DACH1: variants seen among roughly 807,000 people sequenced by gnomAD.
The protein encoded by DACH1 is dachshund homolog 1.
A neutral mutation model predicts 54.2 loss-of-function variants in DACH1; 12 were observed. The observed-to-expected ratio is 0.22, with a 90% CI of 0.14 to 0.36. The LOEUF is 0.36. Ranked by LOEUF, DACH1 falls within the 10% of genes least tolerant of loss-of-function variation. The probability of loss-of-function intolerance (pLI) is 1.00; values close to 1 mark genes in which losing one functional copy is unlikely to be tolerated. For synonymous variants in DACH1, 386 were observed against 366.2 expected (o/e 1.05, Z -0.62); for missense variants, 805 against 929.8 (o/e 0.87, Z 1.75).
At chr13:71,624,047 T>C (rs1485729250) in intron 3 of DACH1, among the ~76,000 whole-genome samples, 1 of 151,944 alleles carries the variant, frequency 6.6e-6, no homozygotes, top group Admixed American at 6.6e-5. Flanking sequence ...TAATTCTCTA[T>C]CTTGTTTAAA....
At chr13:71,472,184 C>T (rs1373804238) in intron 10 of DACH1, among the ~76,000 whole-genome samples, 1 of 152,150 alleles carries the variant, frequency 6.6e-6, no homozygotes, top group Non-Finnish European at 1.5e-5. Flanking sequence ...TTTTACAATT[C>T]ATGAATTCCT....
intron 3 of DACH1, among the ~76,000 whole-genome samples, chr13:71,610,708 C>G (rs532862665): frequency 3.3e-5 from 5 of 152,212 alleles, no homozygotes; most frequent in Non-Finnish European, 7.4e-5. Flanking sequence ...TTTGACATCT[C>G]TTTAAGCTTG....
chr13:71,726,977 T>C (rs1482936175), intron 1 of DACH1, among the ~76,000 whole-genome samples: 2 of 152,064 alleles, frequency 1.3e-5, no homozygotes. Context: ...GACCAATCAA[T>C]TGATCTGCTG....
At chr13:71,801,112 C>G (rs890861593) in intron 1 of DACH1, among the ~76,000 whole-genome samples, 1 of 152,160 alleles carries the variant, frequency 6.6e-6, no homozygotes, top group Non-Finnish European at 1.5e-5. Context: ...ACTCTTTTCC[C>G]TTGAAGTCCT....
intron 3 of DACH1, among the ~76,000 whole-genome samples, chr13:71,613,950 A>T (rs1170072225): frequency 6.6e-6 from 1 of 152,054 alleles, no homozygotes; most frequent in African/African-American, 2.4e-5. Flanking sequence ...GCTTCCAAAA[A>T]GTACCGGGAT....
At chr13:71,865,104 C>A (rs1330467564) in intron 1 of DACH1, among the ~76,000 whole-genome samples, 1 of 152,254 alleles carries the variant, frequency 6.6e-6, no homozygotes, top group Non-Finnish European at 1.5e-5. Context: ...CTCCCCCTAC[C>A]GAAGAAAACC....
intron 1 of DACH1, among the ~76,000 whole-genome samples, chr13:71,743,502 A>G (rs1258504639): frequency 3.3e-5 from 5 of 152,198 alleles, no homozygotes; most frequent in African/African-American, 1.2e-4. Flanking sequence ...CTACAACTCT[A>G]TGAGGTAGAT....
intron 6 of DACH1, among the ~76,000 whole-genome samples, chr13:71,521,280 T>A (rs887029946): frequency 6.6e-6 from 1 of 152,012 alleles, no homozygotes; most frequent in Non-Finnish European, 1.5e-5. Context: ...TACTATACCT[T>A]TTGAAAGCAA....
chr13:71,463,685 A>G (rs1052374124), intron 10 of DACH1, among the ~76,000 whole-genome samples: 1 of 152,016 alleles, frequency 6.6e-6, no homozygotes, highest in African/African-American at 2.4e-5. Flanking sequence ...AATGCCTGTA[A>G]AAAAGTTGTG....
At chr13:71,746,019 A>T (rs971963897) in intron 1 of DACH1, among the ~76,000 whole-genome samples, 1 of 152,190 alleles carries the variant, frequency 6.6e-6, no homozygotes, top group African/African-American at 2.4e-5. Context: ...AGAGATCGAG[A>T]CCATCCTGGC....
chr13:71,687,721 C>T (rs1244316090), intron 1 of DACH1, among the ~76,000 whole-genome samples: 6 of 152,132 alleles, frequency 3.9e-5, no homozygotes, highest in Admixed American at 2.0e-4. Flanking sequence ...TGATCCTCCC[C>T]GCTCAGCCTC....
chr13:71,555,606 G>T (rs1323045304), intron 6 of DACH1, among the ~76,000 whole-genome samples: 8 of 151,958 alleles, frequency 5.3e-5, no homozygotes, highest in Non-Finnish European at 1.5e-5. Context: ...CTCCCAAAGT[G>T]CTGGGATTAC....
At chr13:71,564,923 T>C (rs996200173) in intron 4 of DACH1, among the ~76,000 whole-genome samples, 1 of 152,092 alleles carries the variant, frequency 6.6e-6, no homozygotes, top group African/African-American at 2.4e-5. Context: ...ATTTTTGTTG[T>C]TGTTGTTTGT....
At chr13:71,563,924 C>T (rs1884751791) in intron 4 of DACH1, among the ~76,000 whole-genome samples, 1 of 151,756 alleles carries the variant, frequency 6.6e-6, no homozygotes, top group African/African-American at 2.4e-5. Flanking sequence ...TGAGACACAA[C>T]ATATTCAGTC....
intron 7 of DACH1, among the ~76,000 whole-genome samples, chr13:71,481,732 C>CA (rs1445882259): frequency 6.6e-6 from 1 of 152,102 alleles, no homozygotes; most frequent in East Asian, 1.9e-4. Context: ...AGCTCTGCTT[C>CA]AAAAAATACA....
At chr13:71,672,715 T>C (rs1880276421) in intron 2 of DACH1, among the ~76,000 whole-genome samples, 1 of 152,156 alleles carries the variant, frequency 6.6e-6, no homozygotes, top group Non-Finnish European at 1.5e-5. Context: ...GGACGTAAGA[T>C]ACCAGCTGCA....
At chr13:71,582,220 T>G (rs1219317381) in intron 3 of DACH1, among the ~76,000 whole-genome samples, 1 of 152,170 alleles carries the variant, frequency 6.6e-6, no homozygotes, top group Non-Finnish European at 1.5e-5. Context: ...TCCTATAGTT[T>G]AATACAAGTT....
In DACH1 at chr13:71,694,601, C is replaced by T. The variant is rs573470143; in HGVS notation, c.849-12691G>A. Among the ~76,000 whole-genome samples the T allele has an allele frequency of 1.4e-4, 22 of 152,098 alleles. No homozygotes were observed. In the East Asian group the frequency reaches 2.7e-3, roughly 19 times the overall value. ...TATAAGAAATTAAGATATAAACTAC[C>T]GGAACCACAGAGTTGGAGAAGTCAT... On this transcript the variant is annotated intron_variant, in intron 1 of 10. Transcript: ENST00000613252.
intron 6 of DACH1, among the ~76,000 whole-genome samples, chr13:71,495,786 G>A (rs1421773992): frequency 5.3e-5 from 8 of 151,996 alleles, no homozygotes; most frequent in Non-Finnish European, 7.4e-5. Flanking sequence ...ACTACTATTC[G>A]ACCCAGCAAT....
Sources: gnomAD v4.1 joint callset for allele counts (sites outside exome capture counted in the v4.1 genomes callset) on GRCh38, gnomAD v4.1.1 for gene constraint, MANE v1.5 for transcripts, NCBI Gene and HGNC (gene_info 2026-07-23, HGNC 2026-07-21) for gene names.